Variants in SRGAP3 observed in about 807,000 individuals in gnomAD.
SRGAP3 encodes the protein SLIT-ROBO Rho GTPase activating protein 3.
A neutral mutation model predicts 121.1 loss-of-function variants in SRGAP3; 39 were observed. The observed-to-expected ratio is 0.32, with a 90% CI of 0.25 to 0.42. The LOEUF (loss-of-function observed/expected upper bound fraction) is 0.42. SRGAP3 is among the 10% of genes least tolerant of loss of function. The pLI is 1.00. For missense variants in SRGAP3, 1,213 were observed against 1,470.6 expected, an observed-to-expected ratio of 0.82 and a Z score of 2.86; for synonymous variants, 601 against 570.0, an observed-to-expected ratio of 1.05 and a Z score of -0.77.
intron 1 of SRGAP3, among the ~76,000 whole-genome samples, chr3:9,173,461 C>T (rs1951061131): frequency 6.6e-6 from 1 of 152,172 alleles, no homozygotes; most frequent in Non-Finnish European, 1.5e-5. Flanking sequence ...TGCACTCAAG[C>T]CGCTCACTGG....
At chr3:9,330,489 T>A (rs1479376978) in intron 2 of SRGAP3, 1 of 164,596 alleles carries the variant, frequency 6.1e-6, no homozygotes, top group East Asian at 1.6e-4. Context: ...CCCCAGCCAC[T>A]CTGAGAGATC....
At chr3:9,251,522 G>A (rs1195294678), upstream of SRGAP3, among the ~76,000 whole-genome samples, 4 of 152,292 alleles carry the variant, frequency 2.6e-5, no homozygotes, top group East Asian at 1.9e-4. Flanking sequence ...CTTGGAGTAC[G>A]ACAGACTGGA....
intron 1 of SRGAP3, among the ~76,000 whole-genome samples, chr3:9,242,008 G>A (rs1035272062): frequency 6.7e-6 from 1 of 150,260 alleles, no homozygotes; most frequent in South Asian, 2.1e-4. Flanking sequence ...AGCCCAGGGG[G>A]TGGAGGTTAC....
At chr3:9,337,358 T>C (rs1955710442) in intron 1 of SRGAP3, among the ~76,000 whole-genome samples, 1 of 152,240 alleles carries the variant, frequency 6.6e-6, no homozygotes, top group South Asian at 2.1e-4. Context: ...ACAGGAAATA[T>C]GGACTTATTA....
rs1278136366 is a variant in SRGAP3 at position 9,058,407 on chromosome 3, G to A, written c.867C>T (p.Tyr289=). Residue 289 remains tyrosine, a synonymous_variant, in exon 7 of 22, where the codon TAC becomes TAT. Transcript: ENST00000383836. ...CTTCGTGGCGAGAGGTCTCCAGGTT[G>A]TATTCAGCTGAGAGATAGGTCCGGA... The part of the protein sequence containing the change: ...RTFRTYLSAE[Y]NLETSRHEGL... 5 of 1,614,122 alleles carry A rather than the reference G, an allele frequency of 3.1e-6. No individual in the cohort carries two copies. In the East Asian group the frequency reaches 6.7e-5, roughly 22 times the overall value.
chr3:9,102,613 CAA>C (rs1384591374), intron 3 of SRGAP3, among the ~76,000 whole-genome samples: 2 of 152,230 alleles, frequency 1.3e-5, no homozygotes, highest in Non-Finnish European at 2.9e-5. Context: ...CCGTGCTGTG[CAA>C]AGTCAGCCAG....
In SRGAP3 at chr3:8,985,680, G is replaced by T. The variant is rs200111200; in HGVS notation, c.3139C>A (p.Leu1047Met). 214 of 1,595,714 alleles carry T rather than the reference G, an allele frequency of 1.3e-4. No homozygotes were observed. Among genetic ancestry groups the T allele is most frequent in the Non-Finnish European group, 1.2e-5 (14 of 1,178,562 alleles). Residue 1047 changes from leucine (L) to methionine (M), a missense_variant, in exon 22 of 22, where the codon CTG (leucine) becomes ATG (methionine). Physicochemically the swap from Leu to Met is conservative, Grantham distance 15. Coordinates refer to ENST00000383836, the MANE Select transcript of SRGAP3 (RefSeq NM_014850.4). This position sits in a 1 kb window ranked among gnomAD's most constrained non-coding sequence, Gnocchi z 5.1. ...GGCGGGCGGAGCTGGGCGCCAGCCA[G>T]GCGGGCGGACAGGGCTGGCTTGAAG... ...TTFKPALSAR[L>M]AGAQLRPPPM...
intron 1 of SRGAP3, among the ~76,000 whole-genome samples, chr3:9,143,211 T>A (rs920114745): frequency 6.6e-6 from 1 of 152,156 alleles, no homozygotes; most frequent in Non-Finnish European, 1.5e-5. Context: ...AACAGTCCCA[T>A]AGGAATCACC....
At chr3:9,202,561 G>C (rs570636925) in intron 1 of SRGAP3, among the ~76,000 whole-genome samples, 1 of 152,318 alleles carries the variant, frequency 6.6e-6, no homozygotes, top group South Asian at 2.1e-4. Context: ...CTGGAGCAGA[G>C]GTTTCCCTGC....
chr3:9,296,265 G>A (rs1025764266), intron 3 of SRGAP3, among the ~76,000 whole-genome samples: 7 of 152,120 alleles, frequency 4.6e-5, no homozygotes, highest in South Asian at 2.1e-4. Flanking sequence ...ACAGCAATGC[G>A]CAAGGGTTCC....
chr3:9,345,636 A>T (rs1384944963), intron 1 of SRGAP3, among the ~76,000 whole-genome samples: 1 of 151,936 alleles, frequency 6.6e-6, no homozygotes, highest in Non-Finnish European at 1.5e-5. Context: ...ATGCAAAAAA[A>T]TTAGCCGGGC....
chr3:9,214,725 G>C (rs988945997), intron 1 of SRGAP3, among the ~76,000 whole-genome samples: 4 of 152,174 alleles, frequency 2.6e-5, no homozygotes, highest in Admixed American at 2.6e-4. Flanking sequence ...GGCATCCTTT[G>C]ATTCAGATGA....
chr3:9,141,560 GT>G (rs1949850678), intron 1 of SRGAP3, among the ~76,000 whole-genome samples: 1 of 82,986 alleles, frequency 1.2e-5, no homozygotes, highest in Non-Finnish European at 2.4e-5. Context: ...AGGGGTGTGT[GT>G]GTGTGTGTGT....
chr3:8,998,305 C>T (rs1250439668), intron 18 of SRGAP3, among the ~76,000 whole-genome samples: 1 of 152,196 alleles, frequency 6.6e-6, no homozygotes, highest in African/African-American at 2.4e-5. Flanking sequence ...TTCATCCACA[C>T]TCAACAAATA....
intron 14 of SRGAP3, among the ~76,000 whole-genome samples, chr3:9,017,869 C>A (rs530804500): frequency 6.6e-6 from 1 of 152,240 alleles, no homozygotes; most frequent in Non-Finnish European, 1.5e-5. Flanking sequence ...CATTTCAAGT[C>A]CTCTCTTCTA....
At chr3:9,235,509 T>C (rs941069888) in intron 1 of SRGAP3, 3 of 148,092 alleles carry the variant, frequency 2.0e-5, no homozygotes, top group Admixed American at 6.7e-5. Context: ...TTTTCTTTTT[T>C]TTTTTTTTTT....
intron 3 of SRGAP3, chr3:9,257,096 T>C (rs2125254146): frequency 2.7e-6 from 1 of 376,496 alleles, no homozygotes; most frequent in East Asian, 3.8e-5. Context: ...AAGAAAGGTG[T>C]TATATATTGC....
intron 3 of SRGAP3, among the ~76,000 whole-genome samples, chr3:9,306,677 C>T (rs2600190): frequency 0.72 from 109,918 of 152,038 alleles, 40,027 homozygotes; most frequent in East Asian, 0.92. Flanking sequence ...TAGGAAATCC[C>T]TTCCCCATTT....
intron 1 of SRGAP3, among the ~76,000 whole-genome samples, chr3:9,131,603 C>A (rs1250130218): frequency 1.3e-5 from 2 of 151,890 alleles, no homozygotes; most frequent in Admixed American, 1.3e-4. Context: ...CCACGCCCAG[C>A]TAATATTTTT....
Sources: gnomAD v4.1 joint callset for allele counts (sites outside exome capture counted in the v4.1 genomes callset) on GRCh38, gnomAD v4.1.1 for gene constraint, Gnocchi (gnomAD v3.1) non-coding constraint, MANE v1.5 for transcripts, NCBI Gene and HGNC (gene_info 2026-07-23, HGNC 2026-07-21) for gene names.